The following TACC1 variants were observed in gnomAD, a reference collection of about 807,000 sequenced individuals.
The protein encoded by TACC1 is transforming acidic coiled-coil-containing protein 1.
Under a neutral mutation model 84.4 loss-of-function variants are expected in TACC1, and 48 were observed. The observed-to-expected ratio is 0.57, with a 90% CI of 0.45 to 0.72. The LOEUF (loss-of-function observed/expected upper bound fraction) is 0.72. TACC1 is among the 30% of genes least tolerant of loss of function. The pLI, the probability that TACC1 is intolerant of heterozygous loss-of-function variation, is 0.00. For synonymous variants in TACC1, 372 were observed against 376.3 expected, an observed-to-expected ratio of 0.99 and a Z score of 0.13; for missense variants, 920 against 973.0, an observed-to-expected ratio of 0.95 and a Z score of 0.72.
intron 3 of TACC1, chr8:38,824,153 A>AT: frequency 1.4e-6 from 1 of 740,362 alleles, no homozygotes; most frequent in East Asian, 5.2e-5. Context: ...ATTTTTTTGC[A>AT]TTTCATCAGT....
At chr8:38,804,846 C>A (rs1329087837) in intron 2 of TACC1, among the ~76,000 whole-genome samples, 1 of 152,122 alleles carries the variant, frequency 6.6e-6, no homozygotes, top group Non-Finnish European at 1.5e-5. Context: ...CAAGTGATCC[C>A]CCCTACTTAG....
chr8:38,842,349 G>A lies in TACC1; in HGVS notation c.2023G>A (p.Glu675Lys). 6.2e-7 allele frequency: 1 copy of A among 1,614,218 alleles called. No homozygotes were observed. Among genetic ancestry groups the A allele is most frequent in the Non-Finnish European group, 8.5e-7 (1 of 1,180,042 alleles). ...CTTCCAGCAACTGACCATGGAGAAG[G>A]AACAGGCCCTGGCTGACCTTAACTC... ...KSFQQLTMEK[E>K]QALADLNSVE... Residue 675 changes from glutamate to lysine, a missense_variant, in exon 10 of 13, where the codon GAA becomes AAA. Glu to Lys is a moderately conservative substitution (Grantham distance 56, BLOSUM62 1). Around this residue, in one of 2 missense-constraint regions of TACC1, gnomAD observed 158 missense variants for 225.6 expected, o/e 0.70. Coordinates refer to ENST00000317827, the MANE Select transcript of TACC1 (RefSeq NM_006283.3).
At chr8:38,750,221 C>T (rs1410994034) in intron 3 of TACC1, among the ~76,000 whole-genome samples, 1 of 152,218 alleles carries the variant, frequency 6.6e-6, no homozygotes, top group East Asian at 1.9e-4. Flanking sequence ...ACAATATGAT[C>T]AGTTCAATAG....
chr8:38,832,348 A>G (rs1829435416), intron 6 of TACC1, among the ~76,000 whole-genome samples: 1 of 152,256 alleles, frequency 6.6e-6, no homozygotes, highest in South Asian at 2.1e-4. Flanking sequence ...AAGAGAGTGA[A>G]AAAGAAAAAT....
chr8:38,847,897 A>G, intron 12 of TACC1, 58 bp from the exon 13 acceptor site: 2 of 1,459,856 alleles, frequency 1.4e-6, no homozygotes, highest in Non-Finnish European at 1.9e-6. Flanking sequence ...AGTTAACTCT[A>G]TTTGCCTTTA....
chr8:38,754,626 A>C (rs1809662093), intron 3 of TACC1, among the ~76,000 whole-genome samples: 1 of 152,246 alleles, frequency 6.6e-6, no homozygotes. Flanking sequence ...ATGCCACTGC[A>C]CAGAGCAAGA....
At chr8:38,828,641 G>T (rs1224384814) in intron 5 of TACC1, among the ~76,000 whole-genome samples, 1 of 152,106 alleles carries the variant, frequency 6.6e-6, no homozygotes, top group Admixed American at 6.6e-5. Context: ...GACCCCTCTT[G>T]TAATGAGGTC....
At chr8:38,758,730 T>C (rs1810637719) in intron 3 of TACC1, among the ~76,000 whole-genome samples, 1 of 143,418 alleles carries the variant, frequency 7.0e-6, no homozygotes, top group Non-Finnish European at 1.5e-5. Flanking sequence ...GCACATGACA[T>C]GTGCAAAACA....
At chr8:38,731,737 A>AAACAACAACAACAACAAC (rs56770897) in intron 1 of TACC1, among the ~76,000 whole-genome samples, 52 of 133,148 alleles carry the variant, frequency 3.9e-4, no homozygotes, top group East Asian at 2.2e-3. Flanking sequence ...ATAAAACTGA[A>AAACAACAACAACAACAAC]AACAACAACA....
At chr8:38,757,705 G>A (rs1810384284) in intron 3 of TACC1, among the ~76,000 whole-genome samples, 1 of 152,058 alleles carries the variant, frequency 6.6e-6, no homozygotes, top group African/African-American at 2.4e-5. Flanking sequence ...CCTCGTCCAA[G>A]CAGAAAACGC....
intron 2 of TACC1, among the ~76,000 whole-genome samples, chr8:38,801,806 G>T (rs1432008665): frequency 6.6e-6 from 1 of 152,178 alleles, no homozygotes; most frequent in Admixed American, 6.5e-5. Context: ...AATAAATTTG[G>T]GAAGTATTGC....
chr8:38,825,405 CA>C, intron 4 of TACC1, 37 bp downstream of exon 4: 2 of 1,611,482 alleles, frequency 1.2e-6, no homozygotes, highest in Non-Finnish European at 1.7e-6. Flanking sequence ...TCTCTGAGAC[CA>C]GGGGTCCTCC....
chr8:38,804,658 A>G (rs1293012275), intron 2 of TACC1, among the ~76,000 whole-genome samples: 1 of 152,120 alleles, frequency 6.6e-6, no homozygotes, highest in Non-Finnish European at 1.5e-5. Context: ...CCTGGAGTGC[A>G]GTGGCACTAT....
upstream of TACC1, among the ~76,000 whole-genome samples, chr8:38,783,074 C>CTATATATATA (rs1816361820): frequency 1.3e-5 from 1 of 78,592 alleles, no homozygotes; most frequent in African/African-American, 5.5e-5. Flanking sequence ...AAATATCTAT[C>CTATATATATA]TATCTATCTA....
intron 2 of TACC1, among the ~76,000 whole-genome samples, chr8:38,812,030 A>C (rs1297955219): frequency 6.6e-6 from 1 of 152,052 alleles, no homozygotes; most frequent in East Asian, 1.9e-4. Context: ...TGAGATAAGG[A>C]CTGAAATACG....
chr8:38,747,641 G>A (rs1291754743), intron 3 of TACC1, among the ~76,000 whole-genome samples: 1 of 152,172 alleles, frequency 6.6e-6, no homozygotes, highest in Admixed American at 6.5e-5. Flanking sequence ...CGACATTCTG[G>A]AAAAGGCAAA....
At chr8:38,788,528 G>A in intron 1 of TACC1, 176 bp from the exon 2 acceptor site, 3 of 529,478 alleles carry the variant, frequency 5.7e-6, no homozygotes, top group Non-Finnish European at 1.0e-5. Context: ...AGAAACCCAA[G>A]GAGGGCACTG....
At chr8:38,782,587 C>T (rs984922492), upstream of TACC1, among the ~76,000 whole-genome samples, 2 of 152,062 alleles carry the variant, frequency 1.3e-5, no homozygotes, top group Non-Finnish European at 2.9e-5. Context: ...CTAGTCTGCT[C>T]GAAAGGAATC....
chr8:38,746,861 A>G (rs555842248), intron 3 of TACC1, among the ~76,000 whole-genome samples: 8 of 152,190 alleles, frequency 5.3e-5, no homozygotes, highest in Non-Finnish European at 1.0e-4. Flanking sequence ...TAAAATATTA[A>G]GTAATTTTTA....
Sources: gnomAD v4.1 joint callset for allele counts (sites outside exome capture counted in the v4.1 genomes callset) on GRCh38, gnomAD v4.1.1 for gene constraint, gnomAD v4.1.1 regional missense constraint, MANE v1.5 for transcripts, NCBI Gene and HGNC (gene_info 2026-07-23, HGNC 2026-07-21) for gene names.